Variants in FAM78B observed in about 807,000 individuals in gnomAD.
The protein encoded by FAM78B is protein FAM78B.
Under a neutral mutation model 20.0 loss-of-function variants are expected in FAM78B, and 10 were observed. The observed-to-expected ratio is 0.50, with a 90% CI of 0.31 to 0.85. The LOEUF (loss-of-function observed/expected upper bound fraction) is 0.85. Among genes scored for constraint, FAM78B ranks in the 40% least tolerant of loss-of-function variants. FAM78B has a pLI of 0.05. For missense variants in FAM78B, 283 were observed against 345.0 expected (o/e 0.82, Z 1.42); for synonymous variants, 135 against 132.8 (o/e 1.02, Z -0.12).
chr1:166,117,964 G>A (rs74118974), intron 1 of FAM78B, among the ~76,000 whole-genome samples: 4,928 of 152,186 alleles, frequency 0.032, 244 homozygotes, highest in African/African-American at 0.11. Context: ...GAGGGGCGGG[G>A]GTGATGGGCC....
chr1:166,083,179 C>T (rs1053404295), intron 1 of FAM78B, among the ~76,000 whole-genome samples: 3 of 151,988 alleles, frequency 2.0e-5, no homozygotes, highest in Admixed American at 1.3e-4. Flanking sequence ...GGTGGATACA[C>T]CAAAATGTGA....
Position 166,166,250 on chromosome 1 carries a change from C to G in FAM78B, c.-2G>C. Reference sequence around the variant, plus strand: ...GGTGATGCTTTGGATACAGCCCATCCTGCAGCCCGGTGCCGGCACGGCGCG... The same window carrying G: ...GGTGATGCTTTGGATACAGCCCATCGTGCAGCCCGGTGCCGGCACGGCGCG... On this transcript the variant is annotated 5_prime_UTR_variant, in exon 1 of 2. Coordinates refer to ENST00000354422, the MANE Select transcript of FAM78B (RefSeq NM_001017961.5). 2 of 1,423,240 alleles carry G rather than the reference C, an allele frequency of 1.4e-6. No homozygotes were observed. Among genetic ancestry groups the G allele is most frequent in the Non-Finnish European group, 1.9e-6 (2 of 1,080,144 alleles). 88.2% of individuals were successfully genotyped at this position (1,423,240 alleles called of 1,614,324 possible).
intron 1 of FAM78B, among the ~76,000 whole-genome samples, chr1:166,121,108 T>C (rs571063655): frequency 9.5e-4 from 144 of 152,332 alleles, no homozygotes; most frequent in African/African-American, 3.2e-3. Flanking sequence ...GCTTATCATA[T>C]GACTAAATAT....
downstream of FAM78B, among the ~76,000 whole-genome samples, chr1:166,069,205 T>C (rs2101707892): frequency 6.6e-6 from 1 of 150,778 alleles, no homozygotes; most frequent in East Asian, 1.9e-4. Context: ...TTATGCTATA[T>C]GCATCATGTG....
chr1:166,075,504 C>G (rs894891951), intron 1 of FAM78B, among the ~76,000 whole-genome samples: 1 of 152,124 alleles, frequency 6.6e-6, no homozygotes, highest in African/African-American at 2.4e-5. Flanking sequence ...CATCCCTGAA[C>G]CAATCACAAT....
chr1:166,111,838 C>T (rs946457408), intron 1 of FAM78B, among the ~76,000 whole-genome samples: 11 of 152,214 alleles, frequency 7.2e-5, no homozygotes, highest in African/African-American at 2.4e-4. Flanking sequence ...CATAGAGCAG[C>T]GTCCCTGGCT....
chr1:166,157,937 C>T (rs1475867114), intron 1 of FAM78B, among the ~76,000 whole-genome samples: 6 of 152,220 alleles, frequency 3.9e-5, no homozygotes, highest in East Asian at 1.9e-4. Context: ...GCTGTCTTTA[C>T]TCCTGGCCCC....
intron 1 of FAM78B, among the ~76,000 whole-genome samples, chr1:166,129,805 T>C (rs1445490050): frequency 2.6e-5 from 4 of 151,898 alleles, no homozygotes; most frequent in African/African-American, 9.7e-5. Context: ...CCAAGCCACC[T>C]TGTGCTGGCC....
chr1:166,077,167 G>GAA (rs1226309972), intron 1 of FAM78B, among the ~76,000 whole-genome samples: 2 of 152,112 alleles, frequency 1.3e-5, no homozygotes, highest in East Asian at 3.9e-4. Context: ...ACAAGCACAA[G>GAA]AAAAAAACGA....
At chr1:166,080,996 A>G (rs1652546715) in intron 1 of FAM78B, among the ~76,000 whole-genome samples, 1 of 152,226 alleles carries the variant, frequency 6.6e-6, no homozygotes, top group Non-Finnish European at 1.5e-5. Flanking sequence ...ATGCTTTGCA[A>G]CCATGATTAC....
intron 1 of FAM78B, among the ~76,000 whole-genome samples, chr1:166,146,953 T>A (rs1004318531): frequency 4.6e-5 from 7 of 152,150 alleles, no homozygotes; most frequent in Non-Finnish European, 1.0e-4. Flanking sequence ...GGTCTGATCC[T>A]CACATCACCA....
At chr1:166,078,741 TG>T (rs201198697) in intron 1 of FAM78B, among the ~76,000 whole-genome samples, 1,578 of 151,756 alleles carry the variant, frequency 0.01, 32 homozygotes, top group African/African-American at 0.037. Flanking sequence ...AGGCAGGGAG[TG>T]GGCAGTTATG....
At chr1:166,147,078 T>TAGG (rs937758335) in intron 1 of FAM78B, among the ~76,000 whole-genome samples, 3 of 152,176 alleles carry the variant, frequency 2.0e-5, no homozygotes, top group Non-Finnish European at 2.9e-5. Context: ...AGACCTGATC[T>TAGG]AGGAGGAGAT....
Position 166,070,084 on chromosome 1 carries a change from C to G in FAM78B, c.*157G>C. ...TTCCTAAGGATTATGGTTCTACCAC[C>G]CAAGGAGCAGCCCTACTCTTCAAAA... On this transcript the variant is annotated 3_prime_UTR_variant, in exon 2 of 2. Transcript: ENST00000354422. 1 of 1,323,908 alleles carries G rather than the reference C, an allele frequency of 7.6e-7. No homozygotes were observed. Among genetic ancestry groups the G allele is most frequent in the Non-Finnish European group, 9.7e-7 (1 of 1,031,402 alleles). 82.0% of individuals were successfully genotyped at this position (1,323,908 alleles called of 1,614,324 possible). A position where few individuals can be genotyped will look rare whatever the true frequency, so the allele number is the denominator to read the frequency against.
chr1:166,139,838 AAG>A (rs1432597829), intron 1 of FAM78B, among the ~76,000 whole-genome samples: 2 of 152,146 alleles, frequency 1.3e-5, no homozygotes, highest in Non-Finnish European at 2.9e-5. Flanking sequence ...GAGAGCTCAT[AAG>A]AGTTGCTTCC....
chr1:166,075,747 T>G (rs1026550542), intron 1 of FAM78B, among the ~76,000 whole-genome samples: 8 of 152,246 alleles, frequency 5.3e-5, no homozygotes, highest in Non-Finnish European at 1.2e-4. Context: ...GGCTTTGGTC[T>G]TCTTCTCTTT....
chr1:166,057,971 T>C (rs1456761438), exon 3 of FAM78B: 1 of 145,966 alleles, frequency 6.9e-6, no homozygotes, highest in Non-Finnish European at 1.5e-5. Flanking sequence ...TTGGGTTTTT[T>C]TTTTTCATTT....
intron 1 of FAM78B, among the ~76,000 whole-genome samples, chr1:166,089,061 T>C (rs1652956661): frequency 6.6e-6 from 1 of 152,132 alleles, no homozygotes. Flanking sequence ...CGGCAGACAC[T>C]GTCTGGAAGG....
intron 1 of FAM78B, among the ~76,000 whole-genome samples, chr1:166,087,780 A>T (rs909938419): frequency 6.6e-6 from 1 of 152,142 alleles, no homozygotes; most frequent in African/African-American, 2.4e-5. Context: ...AATTCTTTTA[A>T]CGTGTGATGT....
Sources: allele counts gnomAD v4.1 joint callset (sites outside exome capture counted in the v4.1 genomes callset), GRCh38; gene constraint gnomAD v4.1.1; transcripts MANE v1.5; gene names NCBI Gene and HGNC (gene_info 2026-07-23, HGNC 2026-07-21).